The following DCC variants were observed in gnomAD, a reference collection of about 807,000 sequenced individuals.
DCC encodes netrin receptor DCC.
Under a neutral mutation model 172.5 loss-of-function variants are expected in DCC, and 58 were observed. The observed-to-expected ratio is 0.34, with a 90% CI of 0.27 to 0.42. The LOEUF is 0.42. Ranked by LOEUF, DCC falls within the 10% of genes least tolerant of loss-of-function variation. The pLI is 1.00. For missense variants in DCC, 1,740 were observed against 1,791.0 expected (o/e 0.97, Z 0.51); for synonymous variants, 709 against 644.5 (o/e 1.10, Z -1.52).
At chr18:53,181,350 T>G (rs2055193119) in intron 9 of DCC, among the ~76,000 whole-genome samples, 1 of 151,934 alleles carries the variant, frequency 6.6e-6, no homozygotes, top group Admixed American at 6.6e-5. Context: ...CCTTGATCAA[T>G]ACTATTGTTT....
intron 27 of DCC, among the ~76,000 whole-genome samples, chr18:53,518,656 A>G (rs780680179): frequency 1.3e-5 from 2 of 152,128 alleles, no homozygotes; most frequent in African/African-American, 2.4e-5. Context: ...CTGAGGAGAT[A>G]ACACTAAAAC....
intron 5 of DCC, among the ~76,000 whole-genome samples, chr18:53,020,609 A>G (rs1158104128): frequency 6.6e-6 from 1 of 152,294 alleles, no homozygotes; most frequent in East Asian, 1.9e-4. Flanking sequence ...AAGTCATCCA[A>G]TTAGCCTTGG....
intron 1 of DCC, among the ~76,000 whole-genome samples, chr18:52,630,146 AC>A (rs1036867382): frequency 6.6e-6 from 1 of 151,980 alleles, no homozygotes; most frequent in Admixed American, 6.6e-5. Flanking sequence ...CTTTAATAAA[AC>A]CTTTGCAAGA....
intron 1 of DCC, among the ~76,000 whole-genome samples, chr18:52,366,438 T>C (rs1984859938): frequency 6.6e-6 from 1 of 152,174 alleles, no homozygotes; most frequent in Admixed American, 6.5e-5. Flanking sequence ...TCCTGCTGAT[T>C]GGTAGAGCCG....
chr18:53,006,380 A>AT (rs2041645820), intron 5 of DCC, among the ~76,000 whole-genome samples: 1 of 152,226 alleles, frequency 6.6e-6, no homozygotes, highest in African/African-American at 2.4e-5. Context: ...GGTCAATGAT[A>AT]AGTATAAGAC....
chr18:53,206,825 A>G (rs2055657387), intron 10 of DCC, among the ~76,000 whole-genome samples: 1 of 151,564 alleles, frequency 6.6e-6, no homozygotes, highest in African/African-American at 2.4e-5. Context: ...CTTGTCAAGC[A>G]TAGAAAGGCC....
chr18:52,781,751 A>G (rs1199441851), intron 2 of DCC, among the ~76,000 whole-genome samples: 6 of 152,136 alleles, frequency 3.9e-5, no homozygotes, highest in African/African-American at 7.2e-5. Context: ...CTCTTGAAGG[A>G]CAATATTCTA....
chr18:53,395,371 A>C (rs1235945068), intron 17 of DCC, among the ~76,000 whole-genome samples: 1 of 152,188 alleles, frequency 6.6e-6, no homozygotes, highest in Non-Finnish European at 1.5e-5. Flanking sequence ...GGCCTCTCAA[A>C]TGCCAGTGGT....
At chr18:52,696,566 G>A (rs1328224516) in intron 1 of DCC, among the ~76,000 whole-genome samples, 2 of 152,194 alleles carry the variant, frequency 1.3e-5, no homozygotes, top group African/African-American at 4.8e-5. Flanking sequence ...TGCCTGGTAT[G>A]CCATTAGGAA....
Position 52,946,085 on chromosome 18 carries a change from C to T in DCC, c.985+20715C>T, listed in dbSNP as rs575489197. ...CATCTAGGTTTACAATTTGGTATGA[C>T]TCAATATAGTCATCACCTCTTCCAT... On this transcript the variant is annotated intron_variant, in intron 5 of 28. Transcript: ENST00000442544. Among the ~76,000 whole-genome samples the T allele has an allele frequency of 3.9e-5, 6 of 152,218 alleles. No individual in the cohort carries two copies. The South Asian group carries it at 1.2e-3, about 32-fold the overall frequency.
Position 52,434,823 on chromosome 18 carries a change from G to A in DCC, c.91+93945G>A, listed in dbSNP as rs560931919. On this transcript the variant is annotated intron_variant, in intron 1 of 28. Transcript: ENST00000442544. Reference sequence around the variant, plus strand: ...CACTGCCCCACACCTCCCCACGCCCGTCCCTCTGGAGGCCTCCCTGATTCT... The same window carrying A: ...CACTGCCCCACACCTCCCCACGCCCATCCCTCTGGAGGCCTCCCTGATTCT... Among the ~76,000 whole-genome samples, 16 of 151,942 alleles carry A rather than the reference G, an allele frequency of 1.1e-4. No homozygotes were observed. In the South Asian group the frequency reaches 1.2e-3, roughly 12 times the overall value.
chr18:52,952,207 T>A (rs564360425), intron 5 of DCC, among the ~76,000 whole-genome samples: 1 of 152,324 alleles, frequency 6.6e-6, no homozygotes, highest in African/African-American at 2.4e-5. Flanking sequence ...TTTTCCTTAT[T>A]TTAATGTTTT....
intron 1 of DCC, among the ~76,000 whole-genome samples, chr18:52,350,504 C>T (rs1984071899): frequency 6.6e-6 from 1 of 151,574 alleles, no homozygotes; most frequent in African/African-American, 2.4e-5. Context: ...AGGGGAACAT[C>T]ATCATACACC....
At chr18:52,979,988 C>T (rs1410447086) in intron 5 of DCC, among the ~76,000 whole-genome samples, 1 of 152,170 alleles carries the variant, frequency 6.6e-6, no homozygotes, top group Non-Finnish European at 1.5e-5. Flanking sequence ...GATGTGAGTT[C>T]TACAGACAGC....
intron 1 of DCC, among the ~76,000 whole-genome samples, chr18:52,352,513 G>C (rs1325136459): frequency 1.3e-5 from 2 of 152,120 alleles, no homozygotes; most frequent in African/African-American, 4.8e-5. Context: ...ACTTCCTGTG[G>C]ATTTTCCATC....
chr18:52,855,007 T>C (rs968769506), intron 2 of DCC, among the ~76,000 whole-genome samples: 4 of 152,210 alleles, frequency 2.6e-5, no homozygotes, highest in Non-Finnish European at 5.9e-5. Context: ...TACACTCTGT[T>C]GCTGACAGTG....
chr18:53,055,784 C>A (rs1018383140), intron 5 of DCC, among the ~76,000 whole-genome samples: 2 of 151,908 alleles, frequency 1.3e-5, no homozygotes, highest in African/African-American at 4.8e-5. Context: ...AAGAAAAGGC[C>A]GGGAGAGAAG....
intron 15 of DCC, among the ~76,000 whole-genome samples, chr18:53,347,224 A>G (rs2057736263): frequency 6.6e-6 from 1 of 152,208 alleles, no homozygotes; most frequent in Admixed American, 6.5e-5. Context: ...TCCATACTGC[A>G]AAATTTTCTT....
chr18:52,459,889 A>ATT (rs1988577184), intron 1 of DCC, among the ~76,000 whole-genome samples: 1 of 151,032 alleles, frequency 6.6e-6, no homozygotes, highest in African/African-American at 2.4e-5. Flanking sequence ...ATTCATATAT[A>ATT]TATATATATA....
Sources: allele counts gnomAD v4.1 joint callset (sites outside exome capture counted in the v4.1 genomes callset), GRCh38; gene constraint gnomAD v4.1.1; transcripts MANE v1.5; gene names NCBI Gene and HGNC (gene_info 2026-07-23, HGNC 2026-07-21).